SCN3A: variants seen among roughly 807,000 people sequenced by gnomAD.
The protein encoded by SCN3A is sodium channel protein type 3 subunit alpha.
SCN3A carries 60 observed loss-of-function variants against 187.6 expected under a neutral mutation model. That is an observed-to-expected ratio of 0.32 (90% CI 0.26 to 0.40). SCN3A has a LOEUF of 0.40. SCN3A is among the 10% of genes least tolerant of loss of function. The probability of loss-of-function intolerance (pLI) is 1.00; values close to 1 mark genes in which losing one functional copy is unlikely to be tolerated. For synonymous variants in SCN3A, 788 were observed against 829.2 expected (o/e 0.95, Z 0.85); for missense variants, 1,601 against 2,428.2 (o/e 0.66, Z 7.16).
At chr2:165,168,480 T>C (rs1300429517) in intron 5 of SCN3A, among the ~76,000 whole-genome samples, 1 of 152,028 alleles carries the variant, frequency 6.6e-6, no homozygotes, top group Non-Finnish European at 1.5e-5. Context: ...TTAGGCTAGG[T>C]GATTGGTTTA....
intron 2 of SCN3A, among the ~76,000 whole-genome samples, chr2:165,182,034 TC>T (rs972016477): frequency 2.6e-5 from 4 of 152,232 alleles, no homozygotes; most frequent in Non-Finnish European, 5.9e-5. Flanking sequence ...CTGCATTGAT[TC>T]CTGCTAAAGC....
intron 5 of SCN3A, among the ~76,000 whole-genome samples, chr2:165,166,368 G>A (rs146216581): frequency 5.1e-5 from 7 of 136,410 alleles, no homozygotes; most frequent in East Asian, 2.6e-4. Flanking sequence ...TTTATCTTTC[G>A]TGGCTATGCC....
chr2:165,141,784 G>T (rs771471401), intron 12 of SCN3A, among the ~76,000 whole-genome samples: 9 of 152,120 alleles, frequency 5.9e-5, no homozygotes, highest in Non-Finnish European at 1.0e-4. Context: ...GCTTGTAAAA[G>T]CAAGACATAT....
chr2:165,156,350 CA>C lies in SCN3A; in HGVS notation c.1032-448del, dbSNP rs200305889. 5.8e-4 allele frequency among the ~76,000 whole-genome samples: 83 copies of C among 144,298 alleles called. 2 individuals are homozygous for C. The highest frequency in any genetic ancestry group is 3.6e-3 in the East Asian group (18 of 4,944). 94.7% of individuals were successfully genotyped at this position (144,298 alleles called of 152,430 possible). On this transcript the variant is annotated intron_variant, in intron 9 of 27. Transcript: ENST00000283254. The stretch of plus-strand genomic sequence containing the variant: ...TGAAACTCCATCTCTACTAAAAATA[CA>C]AAAAAAAAACAATTAGCTGGGCGTT...
At chr2:165,201,132 G>A (rs566028948) in intron 1 of SCN3A, among the ~76,000 whole-genome samples, 1 of 152,120 alleles carries the variant, frequency 6.6e-6, no homozygotes, top group South Asian at 2.1e-4. Flanking sequence ...AAGGCCCTTT[G>A]CCTCTATTTT....
chr2:165,172,806 T>A (rs1188476191), intron 3 of SCN3A, among the ~76,000 whole-genome samples: 3 of 152,116 alleles, frequency 2.0e-5, no homozygotes, highest in Non-Finnish European at 4.4e-5. Context: ...ATTTATAGGT[T>A]CTAAAACAGA....
chr2:165,099,572 G>A (rs951860805), intron 22 of SCN3A, among the ~76,000 whole-genome samples: 7 of 152,042 alleles, frequency 4.6e-5, no homozygotes, highest in Middle Eastern at 3.4e-3. Flanking sequence ...CAAAAAATTA[G>A]CGGGCGTGGT....
intron 26 of SCN3A, chr2:165,093,926 A>G (rs1236773954): frequency 1.1e-5 from 2 of 188,142 alleles, no homozygotes; most frequent in Non-Finnish European, 2.2e-5. Flanking sequence ...AATATGCCTT[A>G]TTCTGTTTTG....
chr2:165,090,148 T>C lies in SCN3A; in HGVS notation c.*2A>G, dbSNP rs1412819718. ...ATCACAAAGATAATTCTTTGTTTCT[T>C]TTTACTTTTGATTTTCTCTGACCTC... On this transcript the variant is annotated 3_prime_UTR_variant, in exon 28 of 28. Transcript: ENST00000283254. The surrounding 1 kb of genome is among the most constrained non-coding windows in gnomAD (Gnocchi z 4.0). 1 of 1,571,886 alleles carries C rather than the reference T, an allele frequency of 6.4e-7. No individual in the cohort carries two copies. The highest frequency in any genetic ancestry group is 8.7e-7 in the Non-Finnish European group (1 of 1,154,984).
rs1559218080 is a variant in SCN3A, at chr2:165,137,194, T to C, written c.2391+685A>G. The stretch of plus-strand genomic sequence containing the variant: ...AAAGTCAGACTGCAATACTGCCCTT[T>C]ACTTAGTTTGTTAGTCTACCTTTTC... On this transcript the variant is annotated intron_variant, in intron 15 of 27. Coordinates refer to ENST00000283254, the MANE Select transcript of SCN3A (RefSeq NM_006922.4). 2.0e-5 allele frequency among the ~76,000 whole-genome samples: 3 copies of C among 152,144 alleles called. No individual in the cohort carries two copies. The South Asian group carries it at 6.2e-4, about 31-fold the overall frequency.
chr2:165,097,253 A>G lies in SCN3A; in HGVS notation c.4238T>C (p.Val1413Ala), dbSNP rs757910869. 1.9e-6 allele frequency: 3 copies of G among 1,614,126 alleles called. No homozygotes were observed. The highest frequency in any genetic ancestry group is 2.5e-6 in the Non-Finnish European group (3 of 1,179,966). The change falls in exon 23 of 28, where the codon GTG becomes GCG. Residue 1413 changes from valine to alanine, a missense_variant and splice_region_variant. By Grantham distance (64) the Val-to-Ala change is moderately conservative (BLOSUM62 0). Coordinates refer to ENST00000283254, the MANE Select transcript of SCN3A (RefSeq NM_006922.4). Reference protein sequence around the residue: ...VGAGYLALLQVATFKGWMDIM... With the variant: ...VGAGYLALLQAATFKGWMDIM... ...AAAACTCGTACAGTAGCCACTTACCACTTGAAGCAGTGCAAGATAGCCAGC... is the reference window on the plus strand; with the variant it reads ...AAAACTCGTACAGTAGCCACTTACCGCTTGAAGCAGTGCAAGATAGCCAGC...
chr2:165,199,694 G>C (rs1272609539), intron 1 of SCN3A, among the ~76,000 whole-genome samples: 1 of 151,878 alleles, frequency 6.6e-6, no homozygotes, highest in Non-Finnish European at 1.5e-5. Context: ...TTATATTTCT[G>C]ATGTAGATTC....
intron 15 of SCN3A, among the ~76,000 whole-genome samples, chr2:165,133,186 A>G (rs1444010915): frequency 6.6e-6 from 1 of 152,154 alleles, no homozygotes; most frequent in African/African-American, 2.4e-5. Flanking sequence ...TGTTTGTGGG[A>G]CTGTAAACTA....
In SCN3A at chr2:165,115,524, G is replaced by A. The variant is rs1686329086; in HGVS notation, c.3445C>T (p.Pro1149Ser). Residue 1149 changes from proline to serine, a missense_variant, in exon 19 of 28, where the codon CCC becomes TCC. This residue lies in a region of SCN3A where 267 missense variants were observed against 313.2 expected (regional missense o/e 0.85). Transcript: ENST00000283254. ...SEGSTVDVVL[P>S]REGEQAETEP... ...GTTTCAGCTTGTTCACCTTCTCGGG[G>A]TAGAACAACATCAACTGTGCTTCCT... The A allele has an allele frequency of 6.2e-7, 1 of 1,613,740 alleles. No homozygotes were observed. Among genetic ancestry groups the A allele is most frequent in the Non-Finnish European group, 8.5e-7 (1 of 1,179,830 alleles).
intron 11 of SCN3A, among the ~76,000 whole-genome samples, chr2:165,149,917 T>C (rs1559233860): frequency 6.6e-6 from 1 of 152,212 alleles, no homozygotes; most frequent in Non-Finnish European, 1.5e-5. Context: ...ACTAATACTT[T>C]GTTCATTTTA....
At chr2:165,190,597 TAA>T (rs1559279673) in intron 1 of SCN3A, among the ~76,000 whole-genome samples, 2 of 141,326 alleles carry the variant, frequency 1.4e-5, no homozygotes, top group Non-Finnish European at 3.0e-5. Flanking sequence ...TATATATATA[TAA>T]CTTTATATAT....
chr2:165,150,625 T>C (rs947057824), intron 11 of SCN3A, among the ~76,000 whole-genome samples: 1 of 152,222 alleles, frequency 6.6e-6, no homozygotes, highest in African/African-American at 2.4e-5. Context: ...TGATGTTTTT[T>C]AGCCGAACTC....
At chr2:165,104,563 C>G (rs987923056) in intron 21 of SCN3A, among the ~76,000 whole-genome samples, 44 of 149,202 alleles carry the variant, frequency 2.9e-4, no homozygotes, top group Middle Eastern at 3.6e-3. Context: ...AAAAAAAAAG[C>G]CCGGAATATT....
At chr2:165,113,569 C>T (rs1263283236) in intron 20 of SCN3A, among the ~76,000 whole-genome samples, 2 of 152,102 alleles carry the variant, frequency 1.3e-5, no homozygotes, top group African/African-American at 4.8e-5. Context: ...AATGTCTCTG[C>T]AAATGGTTGT....
Sources: gnomAD v4.1 joint callset for allele counts (sites outside exome capture counted in the v4.1 genomes callset) on GRCh38, gnomAD v4.1.1 for gene constraint, gnomAD v4.1.1 regional missense constraint, Gnocchi (gnomAD v3.1) non-coding constraint, MANE v1.5 for transcripts, NCBI Gene and HGNC (gene_info 2026-07-23, HGNC 2026-07-21) for gene names.